Variants in CFAP418 observed in about 807,000 individuals in gnomAD.
CFAP418 encodes the protein cilia and flagella associated protein 418.
A neutral mutation model predicts 24.7 loss-of-function variants in CFAP418; 27 were observed. The observed-to-expected ratio is 1.09, with a 90% CI of 0.81 to 1.51. The LOEUF is 1.51. Among genes scored for constraint, CFAP418 ranks in the 40% most tolerant of loss-of-function variants. CFAP418 has a pLI of 0.00. For synonymous variants in CFAP418, 74 were observed against 87.3 expected (o/e 0.85, Z 0.85); for missense variants, 257 against 255.2 (o/e 1.01, Z -0.05).
rs539321818 is a variant in CFAP418, at chr8:95,268,710, A to C, written c.155+325T>G. The C allele has an allele frequency of 2.2e-3, 388 of 173,482 alleles. 4 individuals are homozygous for C. Among genetic ancestry groups the C allele is most frequent in the African/African-American group, 9.1e-3 (378 of 41,698 alleles). 10.7% of individuals were successfully genotyped at this position (173,482 alleles called of 1,614,324 possible). A position where few individuals can be genotyped will look rare whatever the true frequency, so the allele number is the denominator to read the frequency against. On this transcript the variant is annotated intron_variant, in intron 1 of 5. Transcript: ENST00000286688. The stretch of plus-strand genomic sequence containing the variant: ...TAGAACCTCCTACGCGCTGGCAGCC[A>C]GAAACAGGATGAAGGAGACTGGCGC...
At chr8:95,255,678 C>T (rs1811776124) in intron 4 of CFAP418, among the ~76,000 whole-genome samples, 1 of 152,150 alleles carries the variant, frequency 6.6e-6, no homozygotes, top group African/African-American at 2.4e-5. Context: ...ATCCTTAGGA[C>T]CTATCAGGTG....
At chr8:95,251,036 A>G (rs900754435) in intron 5 of CFAP418, among the ~76,000 whole-genome samples, 2 of 152,330 alleles carry the variant, frequency 1.3e-5, no homozygotes, top group African/African-American at 4.8e-5. Context: ...GAAAATGTCA[A>G]TGTAAAGTTC....
chr8:95,261,382 G>A (rs1392234313), intron 2 of CFAP418, among the ~76,000 whole-genome samples: 1 of 152,178 alleles, frequency 6.6e-6, no homozygotes, highest in Non-Finnish European at 1.5e-5. Flanking sequence ...TGTTTGGGGA[G>A]CATGTTTCAT....
chr8:95,247,149 A>G lies in CFAP418; in HGVS notation c.*468T>C, dbSNP rs1031873432. The stretch of plus-strand genomic sequence containing the variant: ...AGCCACTGATCACCTGGTTTCTGCC[A>G]TGTCCAAATTATGATCTTTGGCAAC... On this transcript the variant is annotated 3_prime_UTR_variant, in exon 6 of 6. Transcript: ENST00000286688. 6.2e-6 allele frequency: 1 copy of G among 161,930 alleles called. No homozygotes were observed. Among genetic ancestry groups the G allele is most frequent in the Admixed American group, 5.7e-5 (1 of 17,488 alleles). The allele number at this position is 161,930 out of a possible 1,614,324, so 10.0% of individuals were successfully genotyped here.
chr8:95,251,657 T>C (rs1489040244), intron 5 of CFAP418, among the ~76,000 whole-genome samples: 1 of 152,194 alleles, frequency 6.6e-6, no homozygotes, highest in African/African-American at 2.4e-5. Flanking sequence ...AGGTTACTTC[T>C]GTATTCTTGT....
intron 5 of CFAP418, among the ~76,000 whole-genome samples, chr8:95,250,124 G>A (rs183468415): frequency 7.2e-4 from 110 of 152,264 alleles, no homozygotes; most frequent in Admixed American, 6.7e-3. Context: ...GCTGAATAAT[G>A]TCTACTGGTA....
Position 95,252,256 on chromosome 8 carries a change from G to A in CFAP418, c.402C>T (p.Ala134=). ...CATAGCTGACTACCAAGAAATCACA[G>A]GCTATACAACGCAGATGGTCACATG... is the stretch of plus-strand genomic sequence containing the variant. ...WRACDHLRCI[A]CDFLVVSYDD... The change falls in exon 5 of 6, where the codon GCC becomes GCT. Residue 134 remains alanine, a synonymous_variant. Transcript: ENST00000286688. 3.7e-6 allele frequency: 6 copies of A among 1,613,314 alleles called. No individual in the cohort carries two copies. Among genetic ancestry groups the A allele is most frequent in the Non-Finnish European group, 5.1e-6 (6 of 1,179,582 alleles).
At chr8:95,247,821 A>T in intron 5 of CFAP418, 51 bp from the exon 6 acceptor site, 1 of 1,388,678 alleles carries the variant, frequency 7.2e-7, no homozygotes, top group Non-Finnish European at 9.6e-7. Flanking sequence ...TCAGTGCTTA[A>T]TGATTAAAAA....
chr8:95,257,278 A>AT (rs1241571080), intron 4 of CFAP418, among the ~76,000 whole-genome samples: 2 of 152,144 alleles, frequency 1.3e-5, no homozygotes, highest in African/African-American at 2.4e-5. Flanking sequence ...TGTATCTCTA[A>AT]TTTTTTTGTA....
intron 5 of CFAP418, among the ~76,000 whole-genome samples, chr8:95,248,776 A>G (rs754880126): frequency 7.2e-5 from 11 of 152,212 alleles, no homozygotes; most frequent in Non-Finnish European, 1.6e-4. Context: ...GAAAAAATAC[A>G]AAGTGAAAGG....
intron 4 of CFAP418, among the ~76,000 whole-genome samples, chr8:95,253,123 C>T (rs1811734059): frequency 1.3e-5 from 2 of 152,050 alleles, no homozygotes; most frequent in South Asian, 2.1e-4. Context: ...TCCTGGCTAA[C>T]ACAGTGAAAC....
In CFAP418 at chr8:95,247,711, C is replaced by A; in HGVS notation, c.530G>T (p.Arg177Leu). 2 of 1,613,626 alleles carry A rather than the reference C, an allele frequency of 1.2e-6. No homozygotes were observed. The highest frequency in any genetic ancestry group is 1.7e-6 in the Non-Finnish European group (2 of 1,179,720). The change falls in exon 6 of 6, where the codon CGG becomes CTG. Residue 177 changes from arginine to leucine, a missense_variant. Physicochemically the swap from Arg to Leu is moderately radical, Grantham distance 102 (BLOSUM62 -2). Coordinates refer to ENST00000286688, the MANE Select transcript of CFAP418 (RefSeq NM_177965.4). Reference protein sequence around the residue: ...KAKLIKKKGTRAYACQCSWRT... With the variant: ...KAKLIKKKGTLAYACQCSWRT... ...CCAGCTACACTGGCAGGCATATGCC[C>A]GTGTTCCTTTCTTCTTTATCAACTT...
chr8:95,259,990 GT>G, intron 3 of CFAP418, 85 bp from the exon 4 acceptor site: 1 of 1,095,628 alleles, frequency 9.1e-7, no homozygotes, highest in Non-Finnish European at 1.3e-6. Flanking sequence ...AAAATTTTTG[GT>G]TTTATTGACT....
At chr8:95,249,168 G>A (rs537666310) in intron 5 of CFAP418, among the ~76,000 whole-genome samples, 2 of 152,282 alleles carry the variant, frequency 1.3e-5, no homozygotes, top group South Asian at 4.1e-4. Flanking sequence ...AATCCTTAGC[G>A]ATTTTAGGAT....
rs779554071 is a variant in CFAP418 at position 95,259,885 on chromosome 8, C to A, written c.329G>T (p.Gly110Val). The A allele has an allele frequency of 1.2e-6, 2 of 1,608,078 alleles. No individual in the cohort carries two copies. The highest frequency in any genetic ancestry group is 2.7e-5 in the African/African-American group (2 of 74,458). Residue 110 changes from glycine to valine, a missense_variant, in exon 4 of 6, where the codon GGT becomes GTT. Transcript: ENST00000286688. ...AATCCCACATGGAATAGAGCTTCCACCAAGGTACACCGGACTGCAACTAGA... is the reference window on the plus strand; with the variant it reads ...AATCCCACATGGAATAGAGCTTCCAACAAGGTACACCGGACTGCAACTAGA... ...LGKSCSPVYL[G>V]GSSIPCGIGT...
chr8:95,250,430 G>A (rs369996209), intron 5 of CFAP418, among the ~76,000 whole-genome samples: 1 of 152,230 alleles, frequency 6.6e-6, no homozygotes, highest in African/African-American at 2.4e-5. Context: ...GATGCTGCAA[G>A]TTCCTCAAGT....
intron 2 of CFAP418, 55 bp downstream of exon 2, chr8:95,263,632 A>T: frequency 8.8e-7 from 1 of 1,138,688 alleles, no homozygotes; most frequent in Non-Finnish European, 1.3e-6. Context: ...AGACTATTCT[A>T]AACATGTCTT....
At chr8:95,263,942 A>G (rs1049763461) in intron 1 of CFAP418, among the ~76,000 whole-genome samples, 168 bp from the exon 2 acceptor site, 7 of 152,174 alleles carry the variant, frequency 4.6e-5, no homozygotes, top group African/African-American at 1.7e-4. Context: ...TGAGACAAAG[A>G]TATACTTTAT....
At chr8:95,261,504 G>A (rs948318916) in intron 2 of CFAP418, among the ~76,000 whole-genome samples, 11 of 152,128 alleles carry the variant, frequency 7.2e-5, no homozygotes, top group African/African-American at 2.7e-4. Context: ...GCGACAGAAT[G>A]GGAGAGCAGG....
Sources: allele counts gnomAD v4.1 joint callset (sites outside exome capture counted in the v4.1 genomes callset), GRCh38; gene constraint gnomAD v4.1.1; transcripts MANE v1.5; gene names NCBI Gene and HGNC (gene_info 2026-07-23, HGNC 2026-07-21).